ZFHX4: variants seen among roughly 807,000 people sequenced by gnomAD.
ZFHX4 encodes zinc finger homeobox 4.
In ZFHX4, 56 loss-of-function variants were observed where a neutral mutation model predicts 267.6. The ratio of observed to expected loss-of-function variants is 0.21; its 90% CI spans 0.17 to 0.26. The LOEUF is 0.26. ZFHX4 is among the 10% of genes least tolerant of loss of function. The probability of loss-of-function intolerance (pLI) is 1.00; values close to 1 mark genes in which losing one functional copy is unlikely to be tolerated. For synonymous variants in ZFHX4, 1,778 were observed against 1,665.6 expected, an observed-to-expected ratio of 1.07 and a Z score of -1.64; for missense variants, 4,332 against 4,420.0, an observed-to-expected ratio of 0.98 and a Z score of 0.56.
rs747810727 is a variant in ZFHX4, at chr8:76,851,389, G to A, written c.4468G>A (p.Glu1490Lys). The change falls in exon 10 of 11, where the codon GAG becomes AAG. Residue 1490 changes from glutamate to lysine, a missense_variant. By Grantham distance (56) the Glu-to-Lys change is moderately conservative. Coordinates refer to ENST00000651372, the MANE Select transcript of ZFHX4 (RefSeq NM_024721.5). ...DHGLEQEMER[E>K]YEVDHEGKAS... The stretch of plus-strand genomic sequence containing the variant: ...TGGCCTAGAGCAGGAAATGGAGAGA[G>A]AGTATGAGGTGGACCACGAAGGGAA... 4 of 1,613,836 alleles carry A rather than the reference G, an allele frequency of 2.5e-6. No individual in the cohort carries two copies. The highest frequency in any genetic ancestry group is 1.1e-5 in the South Asian group (1 of 91,052).
chr8:76,854,703 A>G lies in ZFHX4; in HGVS notation c.7782A>G (p.Glu2594=). Residue 2594 remains glutamate, a synonymous_variant, in exon 10 of 11, where the codon GAA becomes GAG. Coordinates refer to ENST00000651372, the MANE Select transcript of ZFHX4 (RefSeq NM_024721.5). ...DKEDNNCSEK[E]GGNSGEDQHR... ...AAGATAATAATTGCAGTGAAAAAGA[A>G]GGAGGGAATAGCGGTGAAGACCAAC... 6.2e-7 allele frequency: 1 copy of G among 1,613,830 alleles called. No homozygotes were observed. The highest frequency in any genetic ancestry group is 8.5e-7 in the Non-Finnish European group (1 of 1,179,842).
intron 3 of ZFHX4, among the ~76,000 whole-genome samples, chr8:76,756,096 T>C (rs143208162): frequency 7.3e-4 from 111 of 152,342 alleles, no homozygotes; most frequent in African/African-American, 2.7e-3. Context: ...TTCGTGCAGA[T>C]TCATTTAAGT....
chr8:76,796,980 A>G (rs1470391118), intron 4 of ZFHX4, among the ~76,000 whole-genome samples: 2 of 152,196 alleles, frequency 1.3e-5, no homozygotes, highest in Non-Finnish European at 2.9e-5. Context: ...CTGGAAGAAA[A>G]GAGTGAGTCT....
intron 5 of ZFHX4, among the ~76,000 whole-genome samples, chr8:76,835,979 A>G (rs1175325808): frequency 6.6e-6 from 1 of 152,112 alleles, no homozygotes; most frequent in Non-Finnish European, 1.5e-5. Flanking sequence ...CTGCAAAACT[A>G]CTTGTTCTCC....
chr8:76,845,137 T>C (rs1362494499), intron 6 of ZFHX4, among the ~76,000 whole-genome samples: 2 of 152,144 alleles, frequency 1.3e-5, no homozygotes, highest in African/African-American at 4.8e-5. Flanking sequence ...TTGTGTAAGC[T>C]GTTGTGCTAT....
Position 76,724,451 on chromosome 8 carries a change from T to G in ZFHX4, c.3093+16403T>G, listed in dbSNP as rs187269128. Among the ~76,000 whole-genome samples, 368 of 152,240 alleles carry G rather than the reference T, an allele frequency of 2.4e-3. 1 individual carries two copies. The highest frequency in any genetic ancestry group is 8.2e-3 in the African/African-American group (339 of 41,552). The stretch of plus-strand genomic sequence containing the variant: ...GTCATTGATGGTATTACCCTATCTT[T>G]CACATTGTTTTGCCTCTTAGGACAA... On this transcript the variant is annotated intron_variant, in intron 3 of 10. Transcript: ENST00000651372.
At position 76,853,190 on chromosome 8, in the gene ZFHX4, C is replaced by T. The variant is rs887288519; in HGVS notation, c.6269C>T (p.Ala2090Val). 1.2e-5 allele frequency: 19 copies of T among 1,554,830 alleles called. No homozygotes were observed. Among genetic ancestry groups the T allele is most frequent in the Non-Finnish European group, 1.5e-5 (17 of 1,148,970 alleles). The part of the protein sequence containing the change: ...SIMMQPVQHP[A>V]LPPQLALQLP... ...ATGATGCAACCTGTGCAACACCCTG[C>T]GCTTCCTCCCCAGCTTGCCCTGCAG... is the stretch of plus-strand genomic sequence containing the variant. Residue 2090 changes from alanine to valine, a missense_variant, in exon 10 of 11, where the codon GCG becomes GTG. Ala to Val is a moderately conservative substitution (Grantham distance 64). Transcript: ENST00000651372.
intron 3 of ZFHX4, among the ~76,000 whole-genome samples, chr8:76,714,839 A>G (rs563996695): frequency 6.6e-6 from 1 of 152,302 alleles, no homozygotes; most frequent in South Asian, 2.1e-4. Flanking sequence ...GCTCACCAAT[A>G]TTATGGGTTA....
chr8:76,769,291 C>G (rs527570156), intron 3 of ZFHX4, among the ~76,000 whole-genome samples: 16 of 151,926 alleles, frequency 1.1e-4, no homozygotes, highest in Non-Finnish European at 1.8e-4. Flanking sequence ...ATATTTTTTT[C>G]TATTACTTTA....
At chr8:76,780,390 G>A in intron 4 of ZFHX4, among the ~76,000 whole-genome samples, 1 of 152,272 alleles carries the variant, frequency 6.6e-6, no homozygotes, top group Non-Finnish European at 1.5e-5. Context: ...ACTAAGGAAG[G>A]AATGTAAGAA....
intron 4 of ZFHX4, among the ~76,000 whole-genome samples, chr8:76,830,456 C>A (rs914559589): frequency 6.6e-6 from 1 of 152,042 alleles, no homozygotes; most frequent in East Asian, 1.9e-4. Context: ...TTATTACAGA[C>A]CAGTTATTAA....
chr8:76,688,378 G>C (rs950511829), intron 1 of ZFHX4, among the ~76,000 whole-genome samples: 11 of 152,108 alleles, frequency 7.2e-5, no homozygotes, highest in African/African-American at 2.7e-4. Flanking sequence ...TGGTCTATCA[G>C]CTTTTGTGGC....
chr8:76,694,020 C>A, intron 1 of ZFHX4, among the ~76,000 whole-genome samples: 1 of 152,190 alleles, frequency 6.6e-6, no homozygotes, highest in East Asian at 1.9e-4. Flanking sequence ...CTGAATAGCA[C>A]TTTACCTCAA....
At position 76,830,912 on chromosome 8, in the gene ZFHX4, C is replaced by G. The variant is rs16939374; in HGVS notation, c.3326-2426C>G. Reference sequence around the variant, plus strand: ...ACTTGGTTTCCGGCCTTTGCTAAGACTAGGAAAACCTTTACAGGCTCCCAA... The same window carrying G: ...ACTTGGTTTCCGGCCTTTGCTAAGAGTAGGAAAACCTTTACAGGCTCCCAA... On this transcript the variant is annotated intron_variant, in intron 4 of 10. Transcript: ENST00000651372. Among the ~76,000 whole-genome samples, 1,163 of 152,242 alleles carry G rather than the reference C, an allele frequency of 7.6e-3. 15 individuals are homozygous for G. Among genetic ancestry groups the G allele is most frequent in the African/African-American group, 0.026 (1,086 of 41,542 alleles).
rs1479063331 is a variant in ZFHX4 at position 76,706,401 on chromosome 8, T to G, written c.2313T>G (p.Val771=). The part of the protein sequence containing the change: ...PKQKPTWRCE[V]CDYETNVARN... The stretch of plus-strand genomic sequence containing the variant: ...AGAAACCCACCTGGCGGTGTGAAGT[T>G]TGTGATTATGAAACCAATGTCGCCA... The change falls in exon 2 of 11, where the codon GTT becomes GTG. Residue 771 remains valine, a synonymous_variant. Transcript: ENST00000651372. 1 of 1,614,182 alleles carries G rather than the reference T, an allele frequency of 6.2e-7. No homozygotes were observed. The highest frequency in any genetic ancestry group is 8.5e-7 in the Non-Finnish European group (1 of 1,180,008).
At chr8:76,697,392 A>C (rs1462925693) in intron 1 of ZFHX4, among the ~76,000 whole-genome samples, 1 of 152,016 alleles carries the variant, frequency 6.6e-6, no homozygotes, top group Non-Finnish European at 1.5e-5. Context: ...ACCAATTAAG[A>C]TTAATTTTTT....
chr8:76,811,020 T>G (rs140790682), intron 4 of ZFHX4, among the ~76,000 whole-genome samples: 2 of 152,306 alleles, frequency 1.3e-5, no homozygotes, highest in East Asian at 3.9e-4. Context: ...AACTTTCACC[T>G]GGTGGGAAGC....
chr8:76,846,341 A>C (rs945131189), intron 6 of ZFHX4, among the ~76,000 whole-genome samples: 1 of 152,090 alleles, frequency 6.6e-6, no homozygotes, highest in Non-Finnish European at 1.5e-5. Flanking sequence ...TACCTAGCTA[A>C]TGTTAGATGT....
intron 3 of ZFHX4, among the ~76,000 whole-genome samples, chr8:76,716,339 G>A (rs1808573743): frequency 6.6e-6 from 1 of 152,004 alleles, no homozygotes; most frequent in Non-Finnish European, 1.5e-5. Flanking sequence ...ATTACTTTTT[G>A]GAGAGAACAT....
Sources: allele counts gnomAD v4.1 joint callset (sites outside exome capture counted in the v4.1 genomes callset), GRCh38; gene constraint gnomAD v4.1.1; transcripts MANE v1.5; gene names NCBI Gene and HGNC (gene_info 2026-07-23, HGNC 2026-07-21).